The following AUTS2 variants were observed in gnomAD, a reference collection of about 807,000 sequenced individuals.
AUTS2 encodes autism susceptibility gene 2 protein.
In AUTS2, 17 loss-of-function variants were observed where a neutral mutation model predicts 112.4. The observed-to-expected ratio is 0.15, with a 90% confidence interval of 0.10 to 0.23. The LOEUF is 0.23. Among genes scored for constraint, AUTS2 ranks in the 10% least tolerant of loss-of-function variants. The pLI is 1.00. For synonymous variants in AUTS2, 751 were observed against 702.7 expected (o/e 1.07, Z -1.09); for missense variants, 1,510 against 1,701.6 (o/e 0.89, Z 1.98).
chr7:69,913,410 A>T (rs183920366), intron 2 of AUTS2, among the ~76,000 whole-genome samples: 1 of 152,324 alleles, frequency 6.6e-6, no homozygotes, highest in East Asian at 1.9e-4. Context: ...ACTGGGATAT[A>T]TAGTCACTCT....
intron 4 of AUTS2, among the ~76,000 whole-genome samples, chr7:70,189,548 G>C (rs1809776066): frequency 6.6e-6 from 1 of 152,198 alleles, no homozygotes; most frequent in Admixed American, 6.5e-5. Context: ...TTAATGCCCA[G>C]GTGACCACTT....
At chr7:69,826,597 G>A (rs773429472) in intron 1 of AUTS2, among the ~76,000 whole-genome samples, 1 of 152,176 alleles carries the variant, frequency 6.6e-6, no homozygotes, top group Non-Finnish European at 1.5e-5. Context: ...GTAGAGCACA[G>A]TTGATAGACG....
At chr7:69,634,373 G>T (rs975729193) in intron 1 of AUTS2, among the ~76,000 whole-genome samples, 1 of 152,092 alleles carries the variant, frequency 6.6e-6, no homozygotes, top group Non-Finnish European at 1.5e-5. Flanking sequence ...GCCCGCCTCG[G>T]CCTCCCAAAG....
At chr7:70,535,563 C>T (rs956264416) in intron 5 of AUTS2, among the ~76,000 whole-genome samples, 7 of 152,048 alleles carry the variant, frequency 4.6e-5, no homozygotes, top group Non-Finnish European at 7.4e-5. Flanking sequence ...TACAGGCACC[C>T]GCCACCCCAC....
At chr7:69,984,222 G>C (rs971395727) in intron 2 of AUTS2, among the ~76,000 whole-genome samples, 9 of 151,796 alleles carry the variant, frequency 5.9e-5, no homozygotes. Flanking sequence ...TCGAGACCAC[G>C]GTGAAACCCC....
At chr7:69,781,453 T>C (rs1345839867) in intron 1 of AUTS2, among the ~76,000 whole-genome samples, 1 of 152,188 alleles carries the variant, frequency 6.6e-6, no homozygotes, top group African/African-American at 2.4e-5. Context: ...CAGATAACAC[T>C]CGGAGGCAGT....
intron 1 of AUTS2, among the ~76,000 whole-genome samples, chr7:69,774,279 A>G (rs545844737): frequency 2.7e-4 from 41 of 152,316 alleles, no homozygotes; most frequent in African/African-American, 9.9e-4. Context: ...ATGTGCCTGT[A>G]GTCCCAGCTA....
chr7:70,761,825 G>A (rs1789581013), intron 6 of AUTS2, among the ~76,000 whole-genome samples: 1 of 152,182 alleles, frequency 6.6e-6, no homozygotes, highest in Non-Finnish European at 1.5e-5. Context: ...TAATATCCAA[G>A]GTTAGTCTCA....
intron 1 of AUTS2, among the ~76,000 whole-genome samples, chr7:69,860,950 T>A (rs1376142876): frequency 6.6e-6 from 1 of 152,182 alleles, no homozygotes; most frequent in Non-Finnish European, 1.5e-5. Flanking sequence ...CAAAGACCCA[T>A]ATTTCATTGT....
chr7:70,665,447 T>TTATC (rs1395775729), intron 5 of AUTS2, among the ~76,000 whole-genome samples: 9 of 134,140 alleles, frequency 6.7e-5, no homozygotes, highest in Non-Finnish European at 1.3e-4. Context: ...ATTTATCTAT[T>TTATC]TATCTATTTA....
intron 2 of AUTS2, among the ~76,000 whole-genome samples, chr7:70,088,053 G>T: frequency 6.7e-6 from 1 of 148,308 alleles, no homozygotes. Context: ...TTTTTTTCCA[G>T]GTCAGTGTGG....
intron 11 of AUTS2, among the ~76,000 whole-genome samples, chr7:70,773,377 G>C (rs2129558573): frequency 6.6e-6 from 1 of 152,284 alleles, no homozygotes; most frequent in South Asian, 2.1e-4. Flanking sequence ...AAGGACAGAA[G>C]CTCACAGATA....
intron 1 of AUTS2, among the ~76,000 whole-genome samples, chr7:69,689,327 A>G (rs1005825072): frequency 2.1e-5 from 3 of 144,834 alleles, no homozygotes; most frequent in African/African-American, 5.1e-5. Flanking sequence ...TTACCTTTTA[A>G]TTAATTAATT....
intron 1 of AUTS2, among the ~76,000 whole-genome samples, chr7:69,640,579 A>G (rs987618281): frequency 3.9e-5 from 6 of 152,240 alleles, no homozygotes; most frequent in Non-Finnish European, 7.3e-5. Flanking sequence ...CTCTGAGGCT[A>G]TAGGGAAAAA....
intron 2 of AUTS2, among the ~76,000 whole-genome samples, chr7:70,097,283 G>A (rs146266600): frequency 6.6e-6 from 1 of 152,302 alleles, no homozygotes; most frequent in African/African-American, 2.4e-5. Flanking sequence ...CATGAACGGA[G>A]ATGTAATCTC....
intron 1 of AUTS2, among the ~76,000 whole-genome samples, chr7:69,785,413 C>T (rs1470902570): frequency 1.3e-5 from 2 of 152,220 alleles, no homozygotes. Context: ...TTGAGAGGCT[C>T]CCTCTCACTC....
chr7:70,455,286 A>G (rs1796690271), intron 5 of AUTS2, among the ~76,000 whole-genome samples: 1 of 152,070 alleles, frequency 6.6e-6, no homozygotes, highest in Non-Finnish European at 1.5e-5. Context: ...CTTTATTTCC[A>G]CTGTGCTTGT....
At chr7:69,648,833 A>G (rs891962974) in intron 1 of AUTS2, among the ~76,000 whole-genome samples, 1 of 152,116 alleles carries the variant, frequency 6.6e-6, no homozygotes, top group African/African-American at 2.4e-5. Context: ...TAAGTTTGCA[A>G]AATGCCTTGA....
chr7:70,536,584 T>TTTTC (rs1800328285), intron 5 of AUTS2, among the ~76,000 whole-genome samples: 1 of 145,274 alleles, frequency 6.9e-6, no homozygotes, highest in Non-Finnish European at 1.5e-5. Flanking sequence ...TTTTTTTTTT[T>TTTTC]TTTTTTTTTT....
Sources: allele counts gnomAD v4.1 joint callset (sites outside exome capture counted in the v4.1 genomes callset), GRCh38; gene constraint gnomAD v4.1.1; transcripts MANE v1.5; gene names NCBI Gene and HGNC (gene_info 2026-07-23, HGNC 2026-07-21).